The following FAM53A variants were observed in gnomAD, a reference collection of about 807,000 sequenced individuals.
FAM53A encodes protein FAM53A.
In FAM53A, 28 loss-of-function variants were observed where a neutral mutation model predicts 26.6. That is an observed-to-expected ratio of 1.05 (90% confidence interval 0.78 to 1.45). The LOEUF is 1.45. Ranked by LOEUF, FAM53A falls within the 40% of genes most tolerant of loss-of-function variation. The pLI is 0.00. For missense variants in FAM53A, 650 were observed against 575.8 expected (o/e 1.13, Z -1.32); for synonymous variants, 290 against 253.1 (o/e 1.15, Z -1.38).
chr4:1,680,156 C>T (rs1164001676), intron 1 of FAM53A, among the ~76,000 whole-genome samples: 1 of 151,450 alleles, frequency 6.6e-6, no homozygotes, highest in Non-Finnish European at 1.5e-5. Flanking sequence ...CCCGTCTCTA[C>T]TAAAAATACA....
At chr4:1,643,367 G>A (rs1429093974) in intron 4 of FAM53A, among the ~76,000 whole-genome samples, 2 of 151,944 alleles carry the variant, frequency 1.3e-5, no homozygotes, top group Non-Finnish European at 2.9e-5. Context: ...TCGGGAGGCT[G>A]AGGCAGGAGA....
chr4:1,599,661 C>G, the FAM53A span, among the ~76,000 whole-genome samples: 1 of 152,146 alleles, frequency 6.6e-6, no homozygotes. The surrounding 1 kb of genome is among the most constrained non-coding windows in gnomAD (Gnocchi z 6.1). Context: ...CAGCCCAGCC[C>G]ACCCCGCTTG....
Position 1,655,333 on chromosome 4 carries a change from G to A in FAM53A, c.527C>T (p.Ser176Leu), listed in dbSNP as rs552808598. 3.5e-4 allele frequency: 496 copies of A among 1,424,076 alleles called. 9 individuals are homozygous for A. In the South Asian group the frequency reaches 6.8e-3, roughly 19 times the overall value. 88.2% of individuals were successfully genotyped at this position (1,424,076 alleles called of 1,614,324 possible). A position where few individuals can be genotyped will look rare whatever the true frequency, so the allele number is the denominator to read the frequency against. Residue 176 changes from serine (S) to leucine (L), a missense_variant, in exon 4 of 5, where the codon TCG becomes TTG. Transcript: ENST00000308132. ...GAVLPRSAVW[S>L]TGPTSPATPR... ...CGTGGCGGGCGAGGTGGGACCGGTC[G>A]ACCACACAGCACTCCTCGGCAGGAC...
chr4:1,625,079 G>T (rs1271656400), intron 1 of FAM53A, among the ~76,000 whole-genome samples: 1 of 118,744 alleles, frequency 8.4e-6, no homozygotes, highest in Non-Finnish European at 1.7e-5. Context: ...CACGTGGTCA[G>T]GGTCACGCCA....
At chr4:1,621,325 C>T (rs551959005) in intron 1 of FAM53A, among the ~76,000 whole-genome samples, 7 of 152,186 alleles carry the variant, frequency 4.6e-5, no homozygotes, top group South Asian at 2.1e-4. Context: ...GGGATGGTCT[C>T]GATCTCCTGA....
chr4:1,683,484 TGGAC>T, intron 1 of FAM53A: 1 of 152,082 alleles, frequency 6.6e-6, no homozygotes, highest in East Asian at 1.9e-4. Flanking sequence ...CGATCTGTAA[TGGAC>T]TGAACAAGCA....
the FAM53A span, among the ~76,000 whole-genome samples, chr4:1,576,930 GCTTAGTTGGTCTCCTCTCTGC>G: frequency 6.6e-6 from 1 of 152,210 alleles, no homozygotes. Context: ...GTGAGTCAGA[GCTTAGTTGGTCTCCTCTCTGC>G]CTTCCAAGGG....
In FAM53A at chr4:1,655,837, C is replaced by T. The variant is rs190164077; in HGVS notation, c.137-114G>A. The T allele has an allele frequency of 3.7e-3, 4,709 of 1,272,274 alleles. 50 individuals carry two copies. The highest frequency in any genetic ancestry group is 4.1e-3 in the Non-Finnish European group (3,949 of 964,984). 78.8% of individuals were successfully genotyped at this position (1,272,274 alleles called of 1,614,324 possible). A position where few individuals can be genotyped will look rare whatever the true frequency, so the allele number is the denominator to read the frequency against. On this transcript the variant is annotated intron_variant, in intron 3 of 4. Coordinates refer to ENST00000308132, the MANE Select transcript of FAM53A (RefSeq NM_001174070.3). The stretch of plus-strand genomic sequence containing the variant: ...TGTCAAGGGCACAACCCCATCGCCG[C>T]CACCCCTGGGCGTGCTTCTCCAAGA...
Position 1,664,427 on chromosome 4 carries a change from C to T in FAM53A, c.75+4240G>A, listed in dbSNP as rs560341578. ...ACACAGAACCTCATACATGAATGTA[C>T]GAGTTGCTACTCTCTAGAACTGTCT... On this transcript the variant is annotated intron_variant, in intron 2 of 4. Coordinates refer to ENST00000308132, the MANE Select transcript of FAM53A (RefSeq NM_001174070.3). 1.1e-4 allele frequency among the ~76,000 whole-genome samples: 16 copies of T among 152,208 alleles called. No individual in the cohort carries two copies. The East Asian group carries it at 3.1e-3, about 29-fold the overall frequency.
intron 4 of FAM53A, among the ~76,000 whole-genome samples, chr4:1,653,016 CCACA>C (rs1251178210): frequency 6.6e-6 from 1 of 150,796 alleles, no homozygotes; most frequent in East Asian, 2.0e-4. Flanking sequence ...ACATCACACA[CCACA>C]CACACTACAC....
At chr4:1,574,431 G>C in the FAM53A span, 1 of 152,504 alleles carries the variant, frequency 6.6e-6, no homozygotes, top group African/African-American at 2.4e-5. Flanking sequence ...CCCGCCTGCC[G>C]GTCATGTGAC....
chr4:1,666,022 C>T (rs1350816702), intron 2 of FAM53A, among the ~76,000 whole-genome samples: 2 of 75,910 alleles, frequency 2.6e-5, no homozygotes, highest in African/African-American at 5.2e-5. Flanking sequence ...CCTGCACCTG[C>T]ACCCCCTGTA....
chr4:1,671,026 C>T (rs527865423), intron 1 of FAM53A, among the ~76,000 whole-genome samples: 13 of 151,154 alleles, frequency 8.6e-5, no homozygotes, highest in Admixed American at 5.9e-4. Context: ...CTCACAGCCA[C>T]GGCCCGGACT....
the FAM53A span, among the ~76,000 whole-genome samples, chr4:1,597,948 A>G: frequency 1.3e-5 from 2 of 152,216 alleles, no homozygotes; most frequent in Non-Finnish European, 2.9e-5. Flanking sequence ...GTGAGCTGAG[A>G]TCGCACCACT....
chr4:1,608,747 G>T, the FAM53A span, among the ~76,000 whole-genome samples: 1 of 152,172 alleles, frequency 6.6e-6, no homozygotes, highest in Non-Finnish European at 1.5e-5. Flanking sequence ...ACCCATCCCT[G>T]CTCGCCGGAG....
intron 2 of FAM53A, among the ~76,000 whole-genome samples, chr4:1,663,831 C>A (rs75982807): frequency 0.26 from 39,528 of 149,428 alleles, 6,105 homozygotes; most frequent in Middle Eastern, 0.47. Context: ...ATTAGTGAGA[C>A]CCTGTCTTTA....
Position 1,626,078 on chromosome 4 carries a change from G to T in FAM53A, c.432-7967C>A, listed in dbSNP as rs538988850. On this transcript the variant is annotated intron_variant, in intron 1 of 1. Coordinates refer to the FAM53A transcript ENST00000489029. The stretch of plus-strand genomic sequence containing the variant: ...CCTGCCAGGGTGCAGGGGAAGTGGT[G>T]TGAGCCCCTGCCGTCCTTCTGGGCC... Among the ~76,000 whole-genome samples the T allele has an allele frequency of 5.0e-3, 756 of 152,322 alleles. 11 individuals are homozygous for T. Among genetic ancestry groups the T allele is most frequent in the African/African-American group, 0.017 (692 of 41,572 alleles).
At chr4:1,638,633 A>C (rs1577097742), downstream of FAM53A, among the ~76,000 whole-genome samples, 1 of 152,220 alleles carries the variant, frequency 6.6e-6, no homozygotes, top group Admixed American at 6.5e-5. Flanking sequence ...CAAGGGTTGC[A>C]GGCAGGACCA....
rs6847988 is a variant in FAM53A, at chr4:1,625,023, G to A, written c.432-6912C>T. On this transcript the variant is annotated intron_variant, in intron 1 of 1. Coordinates refer to the FAM53A transcript ENST00000489029. ...CAGAAGGCCCCACGTCCCAGCCCAC[G>A]TGGTCAGGGTCACGCCAGGTGATCA... is the stretch of plus-strand genomic sequence containing the variant. 5.2e-3 allele frequency among the ~76,000 whole-genome samples: 715 copies of A among 136,598 alleles called. 8 individuals carry two copies. The highest frequency in any genetic ancestry group is 9.1e-3 in the Non-Finnish European group (586 of 64,306). The allele number at this position is 136,598 out of a possible 152,430, so 89.6% of individuals were successfully genotyped here.
Sources: allele counts gnomAD v4.1 joint callset (sites outside exome capture counted in the v4.1 genomes callset), GRCh38; gene constraint gnomAD v4.1.1; non-coding constraint Gnocchi (gnomAD v3.1); transcripts MANE v1.5; gene names NCBI Gene and HGNC (gene_info 2026-07-23, HGNC 2026-07-21).